The following STK32A variants were observed in gnomAD, a reference collection of about 807,000 sequenced individuals.
The protein encoded by STK32A is serine/threonine kinase 32A.
In STK32A, 41 loss-of-function variants were observed where a neutral mutation model predicts 53.2. The observed-to-expected ratio is 0.77, with a 90% CI of 0.60 to 1.00. The LOEUF is 1.00. Among genes scored for constraint, STK32A ranks in the 50% least tolerant of loss-of-function variants. The pLI, the probability that STK32A is intolerant of heterozygous loss-of-function variation, is 0.00. For synonymous variants in STK32A, 166 were observed against 162.8 expected (o/e 1.02, Z -0.15); for missense variants, 458 against 485.8 (o/e 0.94, Z 0.54).
chr5:147,320,453 ATTGATT>A (rs1351678406), intron 4 of STK32A, among the ~76,000 whole-genome samples: 5 of 21,252 alleles, frequency 2.4e-4, no homozygotes, highest in Non-Finnish European at 3.7e-4. Context: ...TCTTTGATTC[ATTGATT>A]ATGTTTTCTA....
At chr5:147,277,354 G>A (rs920607924) in intron 2 of STK32A, among the ~76,000 whole-genome samples, 3 of 152,060 alleles carry the variant, frequency 2.0e-5, no homozygotes, top group Admixed American at 6.6e-5. Context: ...TACATTTCAC[G>A]AGCATTGACT....
the STK32A span, chr5:147,399,204 T>C: frequency 6.2e-7 from 1 of 1,614,104 alleles, no homozygotes; most frequent in Non-Finnish European, 8.5e-7. Flanking sequence ...TTGGCAGCGT[T>C]TGTGCTTGTC....
chr5:147,372,780 C>A (rs1335342535), intron 9 of STK32A, among the ~76,000 whole-genome samples: 1 of 152,138 alleles, frequency 6.6e-6, no homozygotes, highest in East Asian at 1.9e-4. Flanking sequence ...CAACATTTGT[C>A]ACCATAGGTT....
chr5:147,343,364 A>G lies in STK32A; in HGVS notation c.472+321A>G, dbSNP rs144449678. 1.1e-4 allele frequency: 50 copies of G among 435,244 alleles called. 1 individual carries two copies. Among genetic ancestry groups the G allele is most frequent in the African/African-American group, 3.6e-4 (18 of 50,048 alleles). The allele number at this position is 435,244 out of a possible 1,614,324, so 27.0% of individuals were successfully genotyped here. On this transcript the variant is annotated intron_variant, in intron 6 of 12. Coordinates refer to ENST00000397936, the MANE Select transcript of STK32A (RefSeq NM_001112724.2). ...GCCTTAATATAACACGCAATCACCT[A>G]TTTTTTATAATGATACAGAAGGCCT...
the STK32A span, among the ~76,000 whole-genome samples, chr5:147,398,285 T>A: frequency 6.6e-6 from 1 of 152,184 alleles, no homozygotes; most frequent in Non-Finnish European, 1.5e-5. Context: ...CCTACCTCCT[T>A]CATTTACTCA....
chr5:147,312,952 A>C (rs2151972076), intron 4 of STK32A, among the ~76,000 whole-genome samples: 1 of 151,892 alleles, frequency 6.6e-6, no homozygotes, highest in South Asian at 2.1e-4. Context: ...GGCCAGTACT[A>C]CTACTGGGCT....
intron 5 of STK32A, among the ~76,000 whole-genome samples, chr5:147,335,518 C>T (rs1360076087): frequency 6.6e-6 from 1 of 152,128 alleles, no homozygotes; most frequent in Non-Finnish European, 1.5e-5. Context: ...CTGCCTGCTG[C>T]CCAGGGCTCC....
At chr5:147,393,950 G>A in the STK32A span, 59 of 1,375,348 alleles carry the variant, frequency 4.3e-5, no homozygotes, top group Non-Finnish European at 5.8e-5. Context: ...GTTTGGATTC[G>A]CTTTCCTTCT....
At chr5:147,376,510 A>AGTT (rs1757238301) in intron 11 of STK32A, among the ~76,000 whole-genome samples, 1 of 152,180 alleles carries the variant, frequency 6.6e-6, no homozygotes, top group Non-Finnish European at 1.5e-5. Context: ...TTTTATTACA[A>AGTT]GTTTTTAAAG....
At chr5:147,375,881 A>G (rs1757211889) in intron 11 of STK32A, 1 of 152,216 alleles carries the variant, frequency 6.6e-6, no homozygotes, top group Admixed American at 6.5e-5. Flanking sequence ...TCTATGAATT[A>G]TAATGATGAT....
intron 2 of STK32A, among the ~76,000 whole-genome samples, chr5:147,242,251 T>C (rs946253930): frequency 3.9e-5 from 6 of 152,190 alleles, no homozygotes; most frequent in Non-Finnish European, 5.9e-5. Flanking sequence ...GCTCTCTGTC[T>C]GTTTATGCAG....
At chr5:147,259,922 C>T (rs575815213) in intron 2 of STK32A, among the ~76,000 whole-genome samples, 2 of 128,112 alleles carry the variant, frequency 1.6e-5, no homozygotes, top group Non-Finnish European at 3.1e-5. Context: ...CCCCTCTTGT[C>T]TCTCACTCCT....
In STK32A at chr5:147,288,778, T is replaced by C. The variant is rs142305353; in HGVS notation, c.260+9380T>C. Among the ~76,000 whole-genome samples, 771 of 152,206 alleles carry C rather than the reference T, an allele frequency of 5.1e-3. 8 individuals carry two copies. Among genetic ancestry groups the C allele is most frequent in the African/African-American group, 0.018 (731 of 41,528 alleles). On this transcript the variant is annotated intron_variant, in intron 4 of 12. Coordinates refer to ENST00000397936, the MANE Select transcript of STK32A (RefSeq NM_001112724.2). Reference sequence around the variant, plus strand: ...CTCCCACCAGGCCCCACCTCCAGCATTGGGGATTACAATTCAACATGAGAT... The same window carrying C: ...CTCCCACCAGGCCCCACCTCCAGCACTGGGGATTACAATTCAACATGAGAT...
At chr5:147,259,839 T>G (rs1006685777) in intron 2 of STK32A, among the ~76,000 whole-genome samples, 3 of 137,732 alleles carry the variant, frequency 2.2e-5, no homozygotes. Flanking sequence ...TTCTCTCTCC[T>G]CTGTCTCTCT....
intron 8 of STK32A, 76 bp downstream of exon 8, chr5:147,361,690 T>G: frequency 1.9e-6 from 2 of 1,067,246 alleles, no homozygotes; most frequent in Non-Finnish European, 2.8e-6. Flanking sequence ...TATTGTTTGC[T>G]AAGATCCAAG....
chr5:147,379,216 C>G (rs1304275450), intron 11 of STK32A, among the ~76,000 whole-genome samples: 1 of 151,662 alleles, frequency 6.6e-6, no homozygotes, highest in Non-Finnish European at 1.5e-5. Context: ...TGATTTGTCT[C>G]TCTGCTTGCC....
chr5:147,373,108 A>G (rs1757071728), intron 9 of STK32A, 61 bp from the exon 10 acceptor site: 1 of 1,597,670 alleles, frequency 6.3e-7, no homozygotes, highest in Non-Finnish European at 8.5e-7. Context: ...GGGAATTTGT[A>G]TGATTTTTTT....
chr5:147,301,716 T>C lies in STK32A; in HGVS notation c.261-22182T>C, dbSNP rs143024712. ...CGGTAACAAATTGCCACAAACCTGGTGGCTTGAGACATCATAGATTTAGTA... is the reference window on the plus strand; with the variant it reads ...CGGTAACAAATTGCCACAAACCTGGCGGCTTGAGACATCATAGATTTAGTA... On this transcript the variant is annotated intron_variant, in intron 4 of 12. Coordinates refer to ENST00000397936, the MANE Select transcript of STK32A (RefSeq NM_001112724.2). Among the ~76,000 whole-genome samples, 755 of 152,318 alleles carry C rather than the reference T, an allele frequency of 5.0e-3. 1 individual carries two copies. Among genetic ancestry groups the C allele is most frequent in the Non-Finnish European group, 8.5e-3 (578 of 68,030 alleles).
At chr5:147,269,764 C>T (rs4307135) in intron 2 of STK32A, among the ~76,000 whole-genome samples, 89,666 of 151,978 alleles carry the variant, frequency 0.59, 26,807 homozygotes, top group African/African-American at 0.67. Flanking sequence ...ATTTAATGTG[C>T]TGTATATGTG....
Sources: gnomAD v4.1 joint callset for allele counts (sites outside exome capture counted in the v4.1 genomes callset) on GRCh38, gnomAD v4.1.1 for gene constraint, MANE v1.5 for transcripts, NCBI Gene and HGNC (gene_info 2026-07-23, HGNC 2026-07-21) for gene names.